Variants in PDE4B observed in about 807,000 individuals in gnomAD.
PDE4B encodes the protein 3',5'-cyclic-AMP phosphodiesterase 4B.
Under a neutral mutation model 82.2 loss-of-function variants are expected in PDE4B, and 20 were observed. The observed-to-expected ratio is 0.24, with a 90% confidence interval of 0.17 to 0.35. The LOEUF (loss-of-function observed/expected upper bound fraction) is 0.35. PDE4B is among the 10% of genes least tolerant of loss of function. PDE4B has a pLI of 1.00. For missense variants in PDE4B, 655 were observed against 907.2 expected, an observed-to-expected ratio of 0.72 and a Z score of 3.57; for synonymous variants, 320 against 318.9, an observed-to-expected ratio of 1.00 and a Z score of -0.04.
chr1:66,303,893 AGACTT>A (rs1489288458), intron 7 of PDE4B, among the ~76,000 whole-genome samples: 4 of 152,144 alleles, frequency 2.6e-5, no homozygotes, highest in African/African-American at 9.7e-5. Flanking sequence ...TTTTGGGAAG[AGACTT>A]GAACTTGCTT....
chr1:66,026,068 TG>T (rs1653416653), intron 3 of PDE4B, among the ~76,000 whole-genome samples: 1 of 152,210 alleles, frequency 6.6e-6, no homozygotes, highest in Non-Finnish European at 1.5e-5. Context: ...CAAATAAAAA[TG>T]TAAATATCTG....
At chr1:66,230,913 G>A (rs1651897032) in intron 3 of PDE4B, among the ~76,000 whole-genome samples, 1 of 151,880 alleles carries the variant, frequency 6.6e-6, no homozygotes, top group African/African-American at 2.4e-5. Flanking sequence ...GGGCACAGTG[G>A]CATGTGCTAC....
chr1:66,113,222 G>A (rs556645189), intron 3 of PDE4B, among the ~76,000 whole-genome samples: 4 of 152,288 alleles, frequency 2.6e-5, no homozygotes, highest in African/African-American at 9.6e-5. Context: ...GCTTTGAGCT[G>A]CTTTATTTGC....
chr1:66,207,162 T>C (rs1033995313), intron 3 of PDE4B, among the ~76,000 whole-genome samples: 3 of 152,228 alleles, frequency 2.0e-5, no homozygotes, highest in Non-Finnish European at 4.4e-5. Flanking sequence ...ATTAGGATTT[T>C]ATTTTTGTTT....
In PDE4B at chr1:66,167,451, T is replaced by C. The variant is rs573854603; in HGVS notation, c.282-80009T>C. Among the ~76,000 whole-genome samples, 3 of 152,296 alleles carry C rather than the reference T, an allele frequency of 2.0e-5. No homozygotes were observed. In the East Asian group the frequency reaches 5.8e-4, roughly 29 times the overall value. ...GAACCCATGCAATGTGTGATTCAAT[T>C]AACATGAAATATTCAGAATGGGCCA... On this transcript the variant is annotated intron_variant, in intron 3 of 16. Coordinates refer to ENST00000341517, the MANE Select transcript of PDE4B (RefSeq NM_002600.4).
At chr1:66,059,250 T>G (rs553260671) in intron 3 of PDE4B, among the ~76,000 whole-genome samples, 11 of 152,140 alleles carry the variant, frequency 7.2e-5, no homozygotes. Flanking sequence ...TCATATCACT[T>G]TCCTCAAAGC....
Position 66,372,815 on chromosome 1 carries a change from C to A in PDE4B, c.*137C>A. On this transcript the variant is annotated 3_prime_UTR_variant, in exon 17 of 17. Coordinates refer to ENST00000341517, the MANE Select transcript of PDE4B (RefSeq NM_002600.4). ...CCTTTCAGTTACTTGAGTTTGGAGT[C>A]AGAAAGCAAGACCAGGAAGCAAATA... 1.2e-6 allele frequency: 1 copy of A among 820,168 alleles called. No homozygotes were observed. The allele number at this position is 820,168 out of a possible 1,614,324, so 50.8% of individuals were successfully genotyped here.
At chr1:66,072,892 C>T (rs565350973) in intron 3 of PDE4B, among the ~76,000 whole-genome samples, 8 of 152,154 alleles carry the variant, frequency 5.3e-5, no homozygotes, top group East Asian at 1.9e-4. Context: ...GCAAACACCC[C>T]TAATGCACAT....
chr1:65,962,474 A>T (rs1203873761), intron 3 of PDE4B, among the ~76,000 whole-genome samples: 1 of 152,114 alleles, frequency 6.6e-6, no homozygotes, highest in East Asian at 1.9e-4. Context: ...GCTTGACTCA[A>T]GCAGCTGAGG....
chr1:66,354,631 G>A, intron 8 of PDE4B: 2 of 1,364,214 alleles, frequency 1.5e-6, no homozygotes, highest in Non-Finnish European at 1.9e-6. Flanking sequence ...CAGGAAATAA[G>A]CAGGGAGCAT....
chr1:65,860,003 T>C (rs760250571), intron 1 of PDE4B, among the ~76,000 whole-genome samples: 1 of 152,186 alleles, frequency 6.6e-6, no homozygotes, highest in Non-Finnish European at 1.5e-5. Context: ...GGTGAAACAC[T>C]GTAGGCATTA....
At chr1:66,147,034 C>T (rs1271630779) in intron 3 of PDE4B, among the ~76,000 whole-genome samples, 1 of 152,124 alleles carries the variant, frequency 6.6e-6, no homozygotes, top group Non-Finnish European at 1.5e-5. Flanking sequence ...ATTAATAAAT[C>T]AGCCAATAGA....
chr1:66,143,500 G>C (rs1363461794), intron 3 of PDE4B, among the ~76,000 whole-genome samples: 1 of 152,230 alleles, frequency 6.6e-6, no homozygotes, highest in African/African-American at 2.4e-5. Context: ...GGACAGTGAA[G>C]TCAGAAGATC....
chr1:65,839,959 C>T (rs1646188028), intron 1 of PDE4B, among the ~76,000 whole-genome samples: 1 of 152,104 alleles, frequency 6.6e-6, no homozygotes, highest in South Asian at 2.1e-4. Context: ...TTAATGATTG[C>T]AATTCTAACT....
chr1:65,910,732 C>T (rs964453493), intron 1 of PDE4B, among the ~76,000 whole-genome samples: 1 of 152,106 alleles, frequency 6.6e-6, no homozygotes, highest in African/African-American at 2.4e-5. Flanking sequence ...ACACTATGGC[C>T]AGCAGAGAGG....
chr1:66,277,954 G>T (rs891532328), intron 7 of PDE4B, among the ~76,000 whole-genome samples: 1 of 152,194 alleles, frequency 6.6e-6, no homozygotes, highest in African/African-American at 2.4e-5. Flanking sequence ...GTTTAATGGG[G>T]ATAATAATAG....
intron 1 of PDE4B, among the ~76,000 whole-genome samples, chr1:65,843,909 GA>G (rs1475906730): frequency 6.6e-6 from 1 of 152,068 alleles, no homozygotes; most frequent in Non-Finnish European, 1.5e-5. Flanking sequence ...GACATAAGTG[GA>G]AATAAGACAA....
intron 3 of PDE4B, among the ~76,000 whole-genome samples, chr1:66,210,829 G>T (rs1053068544): frequency 2.0e-5 from 3 of 152,084 alleles, no homozygotes; most frequent in Admixed American, 6.6e-5. Context: ...ACTGACATTA[G>T]ACTCATCGTT....
At chr1:65,823,476 T>C (rs1645979024) in intron 1 of PDE4B, among the ~76,000 whole-genome samples, 1 of 151,876 alleles carries the variant, frequency 6.6e-6, no homozygotes, top group African/African-American at 2.4e-5. Flanking sequence ...ACTGTCTTTA[T>C]GTCTTACTTC....
Sources: gnomAD v4.1 joint callset for allele counts (sites outside exome capture counted in the v4.1 genomes callset) on GRCh38, gnomAD v4.1.1 for gene constraint, MANE v1.5 for transcripts, NCBI Gene and HGNC (gene_info 2026-07-23, HGNC 2026-07-21) for gene names.